Variants in CD163L1 observed in about 807,000 individuals in gnomAD.
CD163L1 encodes CD163 molecule like 1, also known as scavenger receptor cysteine-rich type 1 protein M160.
In CD163L1, 124 loss-of-function variants were observed where a neutral mutation model predicts 165.4. The observed-to-expected ratio is 0.75, with a 90% CI of 0.65 to 0.87. The LOEUF is 0.87. Among genes scored for constraint, CD163L1 ranks in the 40% least tolerant of loss-of-function variants. The probability of loss-of-function intolerance (pLI) is 0.00; values close to 1 mark genes in which losing one functional copy is unlikely to be tolerated. For missense variants in CD163L1, 1,525 were observed against 1,799.9 expected, an observed-to-expected ratio of 0.85 and a Z score of 2.76; for synonymous variants, 585 against 662.2, an observed-to-expected ratio of 0.88 and a Z score of 1.79.
At chr12:7,340,301 C>T in the CD163L1 span, among the ~76,000 whole-genome samples, 5 of 152,214 alleles carry the variant, frequency 3.3e-5, no homozygotes, top group South Asian at 1.0e-3. Context: ...GATTTGGGAA[C>T]ATTTTTGCTT....
At position 7,394,695 on chromosome 12, in the gene CD163L1, C is replaced by G. The variant is rs191929866; in HGVS notation, c.2050+1400G>C. Among the ~76,000 whole-genome samples the G allele has an allele frequency of 1.7e-3, 252 of 152,240 alleles. 1 individual carries two copies. Among genetic ancestry groups the G allele is most frequent in the African/African-American group, 5.8e-3 (243 of 41,544 alleles). ...GAGAAAATTTTTACAATCTACCCAT[C>G]TGACAAAGGGCTAATATCCAGAATC... On this transcript the variant is annotated intron_variant, in intron 8 of 19. Coordinates refer to ENST00000313599, the MANE Select transcript of CD163L1 (RefSeq NM_174941.6).
chr12:7,418,021 C>T (rs775974420), intron 4 of CD163L1, among the ~76,000 whole-genome samples: 2 of 151,838 alleles, frequency 1.3e-5, no homozygotes, highest in South Asian at 2.1e-4. Context: ...AAATAAGAGG[C>T]AGAACAAATG....
chr12:7,365,252 A>G (rs1451831484), intron 18 of CD163L1, among the ~76,000 whole-genome samples: 1 of 152,124 alleles, frequency 6.6e-6, no homozygotes, highest in Non-Finnish European at 1.5e-5. Context: ...CTCATACCAT[A>G]TAAAACACCA....
At chr12:7,379,776 AGT>A (rs776424403) in intron 8 of CD163L1, among the ~76,000 whole-genome samples, 3 of 152,152 alleles carry the variant, frequency 2.0e-5, no homozygotes, top group Admixed American at 6.5e-5. Context: ...CTTGCCTATT[AGT>A]GATGCCAAAT....
At chr12:7,395,243 A>T (rs186910453) in intron 8 of CD163L1, among the ~76,000 whole-genome samples, 347 of 152,330 alleles carry the variant, frequency 2.3e-3, no homozygotes, top group African/African-American at 7.8e-3. Flanking sequence ...GCACATATAC[A>T]CCATGGAATA....
chr12:7,367,217 C>A lies in CD163L1; in HGVS notation c.4279+19G>T. 6.6e-7 allele frequency: 1 copy of A among 1,504,344 alleles called. No homozygotes were observed. The highest frequency in any genetic ancestry group is 9.2e-7 in the Non-Finnish European group (1 of 1,085,180). The allele number at this position is 1,504,344 out of a possible 1,614,324, so 93.2% of individuals were successfully genotyped here. On this transcript the variant is annotated intron_variant, in intron 18 of 19. Coordinates refer to ENST00000313599, the MANE Select transcript of CD163L1 (RefSeq NM_174941.6). Reference sequence around the variant, plus strand: ...TTCCCACCCTCTCCATGGAGTGCGGCCCCTGGAGTTGCACAGACCTGAGGT... The same window carrying A: ...TTCCCACCCTCTCCATGGAGTGCGGACCCTGGAGTTGCACAGACCTGAGGT...
At chr12:7,365,482 A>G (rs992530450) in intron 18 of CD163L1, among the ~76,000 whole-genome samples, 6 of 152,130 alleles carry the variant, frequency 3.9e-5, no homozygotes, top group Non-Finnish European at 7.4e-5. Flanking sequence ...GAGACAACCC[A>G]CAGAGTGGGA....
chr12:7,379,219 G>A lies in CD163L1; in HGVS notation c.2130C>T (p.Ala710=), dbSNP rs774952640. Residue 710 remains alanine, a synonymous_variant, in exon 9 of 20, where the codon GCC becomes GCT. Transcript: ENST00000313599. ...AGCCATTAGCACACAGAATTCCCACGGCACCCTGGACATTCACCTCAACTT... is the reference window on the plus strand; with the variant it reads ...AGCCATTAGCACACAGAATTCCCACAGCACCCTGGACATTCACCTCAACTT... ...AGKVEVNVQG[A]VGILCANGWG... 2.0e-5 allele frequency: 32 copies of A among 1,613,942 alleles called. No homozygotes were observed. Among genetic ancestry groups the A allele is most frequent in the Middle Eastern group, 3.3e-4 (2 of 6,084 alleles).
At chr12:7,320,713 TC>T in the CD163L1 span, 1 of 1,608,882 alleles carries the variant, frequency 6.2e-7, no homozygotes, top group Non-Finnish European at 8.5e-7. Context: ...TGTGTCTTTC[TC>T]CATCATCCAG....
intron 4 of CD163L1, among the ~76,000 whole-genome samples, chr12:7,349,120 A>G (rs1368505999): frequency 6.6e-6 from 1 of 152,096 alleles, no homozygotes; most frequent in African/African-American, 2.4e-5. Context: ...CTACGGAAAT[A>G]TGTTTAGAGA....
Position 7,406,793 on chromosome 12 carries a change from C to G in CD163L1, c.826G>C (p.Glu276Gln), listed in dbSNP as rs769433022. The G allele has an allele frequency of 5.0e-6, 8 of 1,613,898 alleles. No individual in the cohort carries two copies. In the African/African-American group the frequency reaches 1.1e-4, roughly 22 times the overall value. The change falls in exon 5 of 20, where the codon GAG becomes CAG. Residue 276 changes from glutamate to glutamine, a missense_variant. Transcript: ENST00000313599. ...GGTNRCMGRV[E>Q]LKIQGRWGTV... ...CCCCACCTTCCTTGGATTTTCAGCTCTACTCTCCCCATACAGCGGTTAGTT... is the reference window on the plus strand; with the variant it reads ...CCCCACCTTCCTTGGATTTTCAGCTGTACTCTCCCCATACAGCGGTTAGTT...
the CD163L1 span, among the ~76,000 whole-genome samples, chr12:7,337,294 G>T: frequency 6.6e-6 from 1 of 152,118 alleles, no homozygotes; most frequent in Non-Finnish European, 1.5e-5. Flanking sequence ...AAAAGCAATG[G>T]CAACAAAAGC....
At chr12:7,328,498 G>A in the CD163L1 span, 1 of 748,056 alleles carries the variant, frequency 1.3e-6, no homozygotes, top group South Asian at 2.9e-5. Context: ...CTCAACTGTT[G>A]ATTTTTTGGT....
intron 18 of CD163L1, among the ~76,000 whole-genome samples, chr12:7,367,007 G>A (rs892751572): frequency 1.3e-5 from 2 of 152,122 alleles, no homozygotes; most frequent in Non-Finnish European, 2.9e-5. Context: ...TGGTGCCTCT[G>A]CCATGAACTA....
chr12:7,352,617 C>T (rs1012606955), downstream of CD163L1, among the ~76,000 whole-genome samples: 9 of 152,030 alleles, frequency 5.9e-5, no homozygotes, highest in East Asian at 1.9e-4. Context: ...TCAGTGTGTT[C>T]GGGTGCAATA....
chr12:7,321,668 T>TCC, the CD163L1 span, among the ~76,000 whole-genome samples: 1 of 152,248 alleles, frequency 6.6e-6, no homozygotes, highest in African/African-American at 2.4e-5. Context: ...ATTTGGGGCC[T>TCC]CAGTGTATGA....
intron 2 of CD163L1, among the ~76,000 whole-genome samples, chr12:7,440,259 G>C (rs984378607): frequency 6.6e-6 from 1 of 151,912 alleles, no homozygotes; most frequent in Non-Finnish European, 1.5e-5. Context: ...GCCCCGCGAA[G>C]CTCAGGAGCG....
the CD163L1 span, among the ~76,000 whole-genome samples, chr12:7,325,180 T>C: frequency 9.2e-5 from 14 of 152,318 alleles, no homozygotes; most frequent in African/African-American, 2.6e-4. Flanking sequence ...CGTCTATCCT[T>C]GGAAGTAGGT....
chr12:7,424,546 G>C (rs181505174), intron 4 of CD163L1, among the ~76,000 whole-genome samples: 447 of 151,868 alleles, frequency 2.9e-3, no homozygotes, highest in Non-Finnish European at 4.5e-3. Context: ...GAAGTCAAAT[G>C]GTCTTTGTTT....
Sources: gnomAD v4.1 joint callset for allele counts (sites outside exome capture counted in the v4.1 genomes callset) on GRCh38, gnomAD v4.1.1 for gene constraint, MANE v1.5 for transcripts, NCBI Gene and HGNC (gene_info 2026-07-23, HGNC 2026-07-21) for gene names.